PIK3C2B: variants seen among roughly 807,000 people sequenced by gnomAD.
The protein encoded by PIK3C2B is phosphatidylinositol-4-phosphate 3-kinase catalytic subunit type 2 beta, also known as phosphatidylinositol 4-phosphate 3-kinase C2 domain-containing subunit beta.
A neutral mutation model predicts 184.3 loss-of-function variants in PIK3C2B; 83 were observed. The observed-to-expected ratio is 0.45, with a 90% confidence interval of 0.38 to 0.54. PIK3C2B has a LOEUF of 0.54. Ranked by LOEUF, PIK3C2B falls within the 20% of genes least tolerant of loss-of-function variation. PIK3C2B has a pLI of 0.00. For missense variants in PIK3C2B, 1,736 were observed against 2,113.5 expected (o/e 0.82, Z 3.50); for synonymous variants, 779 against 837.6 (o/e 0.93, Z 1.21).
intron 17 of PIK3C2B, 31 bp downstream of exon 17, chr1:204,444,300 G>T (rs1653658226): frequency 6.3e-7 from 1 of 1,582,420 alleles, no homozygotes; most frequent in Non-Finnish European, 8.7e-7. Flanking sequence ...GATGGGACCA[G>T]CAAAACTGGA....
At chr1:204,431,932 T>C in intron 27 of PIK3C2B, 139 bp from the exon 28 acceptor site, 3 of 940,380 alleles carry the variant, frequency 3.2e-6, no homozygotes, top group Non-Finnish European at 5.1e-6. Flanking sequence ...TGGAGACAGA[T>C]GATAGCACAT....
chr1:204,459,324 A>G (rs2999486), intron 8 of PIK3C2B, among the ~76,000 whole-genome samples: 137,843 of 152,270 alleles, frequency 0.91, 63,726 homozygotes, highest in Non-Finnish European at 1. Context: ...GCAAGGGATT[A>G]TTTTTGAAGA....
In PIK3C2B at chr1:204,489,741, A is replaced by G. The variant is rs551961418; in HGVS notation, c.-85+4615T>C. ...AATGAGGGCTCTTAGGGAGACGTCA[A>G]TAGTTGAAGGGCTCCATCATTACTA... On this transcript the variant is annotated intron_variant, in intron 1 of 32. Coordinates refer to ENST00000684373, the MANE Select transcript of PIK3C2B (RefSeq NM_001377334.1). 6 of 394,496 alleles carry G rather than the reference A, an allele frequency of 1.5e-5. No individual in the cohort carries two copies. In the South Asian group the frequency reaches 8.5e-4, roughly 56 times the overall value. 24.4% of individuals were successfully genotyped at this position (394,496 alleles called of 1,614,324 possible).
intron 27 of PIK3C2B, 120 bp from the exon 28 acceptor site, chr1:204,431,913 G>A: frequency 9.0e-7 from 1 of 1,113,058 alleles, no homozygotes; most frequent in Non-Finnish European, 1.4e-6. Context: ...AGAAGGAAGA[G>A]AGCAAGAGTG....
chr1:204,451,141 G>A (rs1654316016), intron 12 of PIK3C2B, among the ~76,000 whole-genome samples: 1 of 152,254 alleles, frequency 6.6e-6, no homozygotes, highest in Non-Finnish European at 1.5e-5. Flanking sequence ...GCAGCCAGCA[G>A]ACATGCCAGG....
chr1:204,464,654 C>T (rs974019868), intron 3 of PIK3C2B, 50 bp from the exon 4 acceptor site: 4 of 1,561,202 alleles, frequency 2.6e-6, no homozygotes, highest in Non-Finnish European at 1.8e-6. Flanking sequence ...AGAGAGTAGT[C>T]AAGAAGACAT....
intron 26 of PIK3C2B, 33 bp from the exon 27 acceptor site, chr1:204,432,434 A>G: frequency 6.3e-7 from 1 of 1,577,186 alleles, no homozygotes; most frequent in Non-Finnish European, 8.7e-7. Flanking sequence ...GGATATAACC[A>G]TGAACCCAAA....
Position 204,445,571 on chromosome 1 carries a change from C to T in PIK3C2B, c.2678+385G>A, listed in dbSNP as rs185248759. 1.9e-4 allele frequency among the ~76,000 whole-genome samples: 27 copies of T among 143,068 alleles called. No homozygotes were observed. In the East Asian group the frequency reaches 4.4e-3, roughly 23 times the overall value. 93.9% of individuals were successfully genotyped at this position (143,068 alleles called of 152,430 possible). ...GAGCCATATGCATGCCACTGCACTC[C>T]AGCCTGGGTGACAGAGCAAGACCCT... On this transcript the variant is annotated intron_variant, in intron 16 of 32. Coordinates refer to ENST00000684373, the MANE Select transcript of PIK3C2B (RefSeq NM_001377334.1).
chr1:204,446,544 ACG>A (rs1653887728), intron 15 of PIK3C2B, among the ~76,000 whole-genome samples: 1 of 152,184 alleles, frequency 6.6e-6, no homozygotes, highest in African/African-American at 2.4e-5. Context: ...TGAGGGCACC[ACG>A]CTCAATAGAA....
chr1:204,466,643 A>G (rs761179435), intron 2 of PIK3C2B: 13 of 378,332 alleles, frequency 3.4e-5, no homozygotes, highest in Non-Finnish European at 6.3e-5. Context: ...AAAAAGAGAA[A>G]GAGAGAGAGA....
chr1:204,431,949 G>GA (rs1486005792), intron 27 of PIK3C2B, among the ~76,000 whole-genome samples, 156 bp from the exon 28 acceptor site: 1 of 152,156 alleles, frequency 6.6e-6, no homozygotes, highest in Non-Finnish European at 1.5e-5. Context: ...ACATACACAG[G>GA]AATCTAAAAG....
intron 18 of PIK3C2B, 96 bp downstream of exon 18, chr1:204,443,972 G>A (rs377530184): frequency 2.2e-5 from 19 of 874,148 alleles, no homozygotes; most frequent in African/African-American, 8.2e-5. Context: ...ACTGAAGCCC[G>A]GACAACTCAG....
chr1:204,483,237 CAT>C (rs1346848905), intron 1 of PIK3C2B, among the ~76,000 whole-genome samples: 1 of 152,092 alleles, frequency 6.6e-6, no homozygotes, highest in Non-Finnish European at 1.5e-5. Context: ...GCCTGGGAAA[CAT>C]AGACTCCATC....
In PIK3C2B at chr1:204,485,645, C is replaced by T. The variant is rs972189406; in HGVS notation, c.-85+8711G>A. 3.3e-5 allele frequency among the ~76,000 whole-genome samples: 5 copies of T among 150,802 alleles called. No homozygotes were observed. In the South Asian group the frequency reaches 1.0e-3, roughly 32 times the overall value. ...CTGCAGTGCAGTGGCAGGATCTTGG[C>T]TCACTGCAACTTCCACCTCCCAGGC... On this transcript the variant is annotated intron_variant, in intron 1 of 32. Transcript: ENST00000684373.
intron 23 of PIK3C2B, 35 bp downstream of exon 23, chr1:204,438,900 C>G (rs1409189411): frequency 6.2e-7 from 1 of 1,603,680 alleles, no homozygotes; most frequent in African/African-American, 1.3e-5. Flanking sequence ...CAGGCACACA[C>G]ACACACCAGA....
chr1:204,457,642 A>G, intron 9 of PIK3C2B, 86 bp downstream of exon 9: 1 of 1,306,748 alleles, frequency 7.7e-7, no homozygotes. Context: ...GTGAGTGAAC[A>G]CCTACACACT....
At position 204,439,018 on chromosome 1, in the gene PIK3C2B, G is replaced by C; in HGVS notation, c.3433C>G (p.His1145Asp). Residue 1145 changes from histidine (H) to aspartate (D), a missense_variant, in exon 23 of 33, where the codon CAT (histidine) becomes GAT (aspartate). Around this residue, in one of 8 missense-constraint regions of PIK3C2B, gnomAD observed 289 missense variants for 380.4 expected, o/e 0.76. Coordinates refer to ENST00000684373, the MANE Select transcript of PIK3C2B (RefSeq NM_001377334.1). ...AETLRKIQVE[H>D]GVTGSFKDRP... is the part of the protein sequence containing the mutation. Reference sequence around the variant, plus strand: ...TCCTTGAACGAGCCGGTCACCCCATGCTCCACCTGGATCTTACGCAGGGTC... The same window carrying C: ...TCCTTGAACGAGCCGGTCACCCCATCCTCCACCTGGATCTTACGCAGGGTC... 1 of 1,614,068 alleles carries C rather than the reference G, an allele frequency of 6.2e-7. No individual in the cohort carries two copies. Among genetic ancestry groups the C allele is most frequent in the Non-Finnish European group, 8.5e-7 (1 of 1,180,006 alleles).
intron 12 of PIK3C2B, among the ~76,000 whole-genome samples, chr1:204,453,659 T>C (rs556334763): frequency 1.3e-5 from 2 of 152,278 alleles, no homozygotes; most frequent in Non-Finnish European, 2.9e-5. Context: ...CTCCTCTCCA[T>C]AGTCTACAGG....
intron 16 of PIK3C2B, 42 bp from the exon 17 acceptor site, chr1:204,444,466 T>A: frequency 6.8e-7 from 1 of 1,474,982 alleles, no homozygotes; most frequent in Non-Finnish European, 9.4e-7. Context: ...TAGCTGCAAG[T>A]TGAGGCACAG....
Sources: gnomAD v4.1 joint callset for allele counts (sites outside exome capture counted in the v4.1 genomes callset) on GRCh38, gnomAD v4.1.1 for gene constraint, gnomAD v4.1.1 regional missense constraint, MANE v1.5 for transcripts, NCBI Gene and HGNC (gene_info 2026-07-23, HGNC 2026-07-21) for gene names.